Variants in AGBL4 observed in about 807,000 individuals in gnomAD.
AGBL4 encodes the protein AGBL carboxypeptidase 4, also known as cytosolic carboxypeptidase 6.
Under a neutral mutation model 66.4 loss-of-function variants are expected in AGBL4, and 58 were observed. That is an observed-to-expected ratio of 0.87 (90% CI 0.71 to 1.09). The LOEUF (loss-of-function observed/expected upper bound fraction) is 1.09, where lower values mean the gene tolerates loss of function less well. Among genes scored for constraint, AGBL4 ranks in the 50% least tolerant of loss-of-function variants. The probability of loss-of-function intolerance (pLI) is 0.00; values close to 1 mark genes in which losing one functional copy is unlikely to be tolerated. For synonymous variants in AGBL4, 234 were observed against 222.9 expected, an observed-to-expected ratio of 1.05 and a Z score of -0.44; for missense variants, 579 against 631.0, an observed-to-expected ratio of 0.92 and a Z score of 0.88.
At chr1:49,630,744 G>A (rs1221287668) in intron 3 of AGBL4, among the ~76,000 whole-genome samples, 2 of 152,048 alleles carry the variant, frequency 1.3e-5, no homozygotes, top group Non-Finnish European at 2.9e-5. Flanking sequence ...TTCTAGCTAG[G>A]TGCCCTTTTG....
chr1:48,613,445 T>C (rs1441896484), intron 9 of AGBL4, among the ~76,000 whole-genome samples: 1 of 152,240 alleles, frequency 6.6e-6, no homozygotes, highest in Non-Finnish European at 1.5e-5. Flanking sequence ...GATTAGATCA[T>C]TGTTCCTAAC....
chr1:48,551,961 T>C lies in AGBL4; in HGVS notation c.1268-12223A>G, dbSNP rs192545771. On this transcript the variant is annotated intron_variant, in intron 11 of 13. Transcript: ENST00000371839. ...TGGAGATCTGACCTCATTTTTAATG[T>C]GCCTGATTCTGGATGAGATAACCTT... 3.9e-5 allele frequency among the ~76,000 whole-genome samples: 6 copies of C among 152,324 alleles called. No individual in the cohort carries two copies. In the East Asian group the frequency reaches 1.2e-3, roughly 29 times the overall value.
intron 1 of AGBL4, among the ~76,000 whole-genome samples, chr1:49,926,127 G>A (rs778517534): frequency 2.6e-5 from 4 of 152,208 alleles, no homozygotes; most frequent in Non-Finnish European, 5.9e-5. Flanking sequence ...AAAGGTGCTG[G>A]CCACAGAGGT....
rs1385450408 is a variant in AGBL4, at chr1:49,587,845, AT to A, written c.282+109467del. On this transcript the variant is annotated intron_variant, in intron 3 of 13. Transcript: ENST00000371839. ...GATGCAGCAAGGCAGTGATTTTTAA[AT>A]TTATTATTATTATTATTATTTTCAT... Among the ~76,000 whole-genome samples the A allele has an allele frequency of 3.9e-5, 6 of 152,156 alleles. No homozygotes were observed. The East Asian group carries it at 1.2e-3, about 29-fold the overall frequency.
intron 4 of AGBL4, among the ~76,000 whole-genome samples, chr1:49,210,617 T>C (rs539591604): frequency 6.6e-6 from 1 of 152,170 alleles, no homozygotes; most frequent in African/African-American, 2.4e-5. Context: ...CCCTAACTAC[T>C]TGAAAATGCG....
At chr1:48,659,214 CA>C (rs11287084) in intron 7 of AGBL4, among the ~76,000 whole-genome samples, 135,534 of 152,160 alleles carry the variant, frequency 0.89, 60,793 homozygotes, top group African/African-American at 0.97. Context: ...CATTGACCTA[CA>C]ACTGTCTCAT....
At chr1:49,277,231 T>G (rs1644184772) in intron 3 of AGBL4, among the ~76,000 whole-genome samples, 1 of 152,216 alleles carries the variant, frequency 6.6e-6, no homozygotes, top group African/African-American at 2.4e-5. Flanking sequence ...CTAGCTATTT[T>G]AATGTACCAT....
intron 2 of AGBL4, among the ~76,000 whole-genome samples, chr1:49,725,856 T>G (rs531615213): frequency 6.6e-6 from 1 of 151,950 alleles, no homozygotes; most frequent in African/African-American, 2.4e-5. Context: ...ATATATATCC[T>G]TACTACAGTG....
At chr1:48,964,263 G>A (rs1243795062) in intron 5 of AGBL4, among the ~76,000 whole-genome samples, 1 of 152,158 alleles carries the variant, frequency 6.6e-6, no homozygotes, top group African/African-American at 2.4e-5. Context: ...TCTCCTAGAC[G>A]ATGGAGGCCC....
At chr1:49,792,788 A>G (rs1644632552) in intron 2 of AGBL4, among the ~76,000 whole-genome samples, 1 of 152,034 alleles carries the variant, frequency 6.6e-6, no homozygotes, top group South Asian at 2.1e-4. Context: ...GGTTCTGGCA[A>G]AAAGGTAAGA....
At chr1:48,967,711 T>G (rs568982967) in intron 5 of AGBL4, among the ~76,000 whole-genome samples, 1 of 152,216 alleles carries the variant, frequency 6.6e-6, no homozygotes, top group South Asian at 2.1e-4. Flanking sequence ...AAAGGCAGGA[T>G]AGACAGAAGA....
At chr1:49,928,868 A>C (rs1211010932) in intron 1 of AGBL4, among the ~76,000 whole-genome samples, 1 of 152,204 alleles carries the variant, frequency 6.6e-6, no homozygotes, top group African/African-American at 2.4e-5. Flanking sequence ...ATGCACCCAT[A>C]TGTTCATCGC....
At chr1:49,106,644 G>A (rs144824732) in intron 4 of AGBL4, among the ~76,000 whole-genome samples, 1 of 152,290 alleles carries the variant, frequency 6.6e-6, no homozygotes, top group East Asian at 1.9e-4. Flanking sequence ...TGGAAATGGA[G>A]AGACAAGACT....
At chr1:49,751,550 T>G in intron 2 of AGBL4, among the ~76,000 whole-genome samples, 1 of 152,082 alleles carries the variant, frequency 6.6e-6, no homozygotes, top group Non-Finnish European at 1.5e-5. Flanking sequence ...TTCTTTTGTG[T>G]TGGATCTCTA....
chr1:48,989,187 T>A (rs947399476), intron 5 of AGBL4, among the ~76,000 whole-genome samples: 1 of 152,114 alleles, frequency 6.6e-6, no homozygotes, highest in African/African-American at 2.4e-5. Context: ...AATGTACGGG[T>A]GTGTTCTTCG....
At chr1:48,806,481 C>G (rs1645926695) in intron 6 of AGBL4, among the ~76,000 whole-genome samples, 1 of 152,196 alleles carries the variant, frequency 6.6e-6, no homozygotes, top group East Asian at 1.9e-4. Context: ...ACCTCTAGTG[C>G]CCCTACATTG....
At chr1:48,869,975 C>G (rs534993496) in intron 5 of AGBL4, among the ~76,000 whole-genome samples, 1 of 152,136 alleles carries the variant, frequency 6.6e-6, no homozygotes, top group Non-Finnish European at 1.5e-5. Flanking sequence ...GAACTAGTCC[C>G]CAAATCCACA....
chr1:49,564,906 GT>G (rs1644153431), intron 3 of AGBL4, among the ~76,000 whole-genome samples: 2 of 152,228 alleles, frequency 1.3e-5, no homozygotes, highest in South Asian at 4.2e-4. Context: ...TGACAGTGGG[GT>G]GTTAAAGTCT....
At chr1:48,588,340 C>T (rs1644856947) in intron 10 of AGBL4, among the ~76,000 whole-genome samples, 2 of 152,218 alleles carry the variant, frequency 1.3e-5, no homozygotes. Context: ...CTCTCAAGTC[C>T]TCTGTTCAAA....
Sources: gnomAD v4.1 joint callset for allele counts (sites outside exome capture counted in the v4.1 genomes callset) on GRCh38, gnomAD v4.1.1 for gene constraint, MANE v1.5 for transcripts, NCBI Gene and HGNC (gene_info 2026-07-23, HGNC 2026-07-21) for gene names.